The following FN1 variants were observed in gnomAD, a reference collection of about 807,000 sequenced individuals.
FN1 encodes fibronectin 1.
A neutral mutation model predicts 297.3 loss-of-function variants in FN1; 106 were observed. That is an observed-to-expected ratio of 0.36 (90% CI 0.30 to 0.42). The LOEUF (loss-of-function observed/expected upper bound fraction) is 0.42, where lower values mean the gene tolerates loss of function less well. Ranked by LOEUF, FN1 falls within the 10% of genes least tolerant of loss-of-function variation. The pLI is 1.00. For missense variants in FN1, 2,690 were observed against 3,124.9 expected (o/e 0.86, Z 3.32); for synonymous variants, 1,149 against 1,152.6 (o/e 1.00, Z 0.06).
chr2:215,372,601 A>G, intron 39 of FN1: 1 of 580,256 alleles, frequency 1.7e-6, no homozygotes, highest in Non-Finnish European at 3.1e-6. Context: ...GTTAGTATGA[A>G]TTTATCATAC....
In FN1 at chr2:215,397,138, T is replaced by C; in HGVS notation, c.3603A>G (p.Pro1201=). ...CCCTCTGATCCATCCCAAACTTACC[T>C]GGGGTGGTGCTCCTCTCCCAGGAGA... The part of the protein sequence containing the change: ...LTVSWERSTT[P]DITGYRITTT... The change falls in exon 23 of 46, where the codon CCA becomes CCG. Residue 1201 remains proline (P), a splice_region_variant and synonymous_variant. Coordinates refer to ENST00000354785, the MANE Select transcript of FN1 (RefSeq NM_212482.4). 2.5e-6 allele frequency: 4 copies of C among 1,610,470 alleles called. No individual in the cohort carries two copies. In the South Asian group the frequency reaches 3.3e-5, roughly 13 times the overall value.
chr2:215,434,759 T>G lies in FN1; in HGVS notation c.214A>C (p.Asn72His). 6.2e-7 allele frequency: 1 copy of G among 1,614,132 alleles called. No homozygotes were observed. The highest frequency in any genetic ancestry group is 8.5e-7 in the Non-Finnish European group (1 of 1,179,978). ...NQQWERTYLG[N>H]ALVCTCYGGS... ...CCATAACAAGTACAAACCAACGCATTGCCTAGGTAGGTCCGCTCCCACTGT... is the reference window on the plus strand; with the variant it reads ...CCATAACAAGTACAAACCAACGCATGGCCTAGGTAGGTCCGCTCCCACTGT... Residue 72 changes from asparagine to histidine, a missense_variant, in exon 2 of 46, where the codon AAT becomes CAT. This residue lies in a region of FN1 where 876 missense variants were observed against 1,058.1 expected (regional missense o/e 0.83). Transcript: ENST00000354785.
intron 5 of FN1, 126 bp from the exon 6 acceptor site, chr2:215,428,464 TGGTGCTGCAA>T: frequency 1.2e-6 from 1 of 816,954 alleles, no homozygotes. Flanking sequence ...TATTCAGCTC[TGGTGCTGCAA>T]GGTATTACAC....
Position 215,372,139 on chromosome 2 carries a change from G to A in FN1, c.6484C>T (p.His2162Tyr), listed in dbSNP as rs796261540. Residue 2162 changes from histidine (H) to tyrosine (Y), a missense_variant, in exon 40 of 46, where the codon CAT (histidine) becomes TAT (tyrosine). His to Tyr is a moderately conservative substitution (Grantham distance 83). This residue lies in a region of FN1 where 1,743 missense variants were observed against 1,945.2 expected (regional missense o/e 0.90). Transcript: ENST00000354785. ...TTCGGCGGGTATGGTCTTGGCCTAT[G>A]CCTTATGGGGGTGGCCGTTGTGGGC... ...TPPTTATPIRHRPRPYPPNVG... is the reference protein window; with the variant it reads ...TPPTTATPIRYRPRPYPPNVG... The A allele has an allele frequency of 6.2e-7, 1 of 1,614,250 alleles. No homozygotes were observed.
chr2:215,398,779 C>T (rs1037350670), intron 21 of FN1, among the ~76,000 whole-genome samples: 1 of 152,190 alleles, frequency 6.6e-6, no homozygotes, highest in Non-Finnish European at 1.5e-5. Context: ...AAACCTTAAT[C>T]TTAACTTCTA....
At chr2:215,430,093 G>A (rs1241904717) in intron 5 of FN1, among the ~76,000 whole-genome samples, 1 of 152,156 alleles carries the variant, frequency 6.6e-6, no homozygotes, top group African/African-American at 2.4e-5. Context: ...GTAGTTAAAT[G>A]GGTTCAGCTA....
In FN1 at chr2:215,435,806, G is replaced by T. The variant is rs1004628536; in HGVS notation, c.-4C>A. On this transcript the variant is annotated 5_prime_UTR_variant, in exon 1 of 46. Coordinates refer to ENST00000354785, the MANE Select transcript of FN1 (RefSeq NM_212482.4). ...CGGGCCCCGGACCCCTAAGCATGTT[G>T]AGACGGTGGGGGAGAGACGCCCGCA... is the stretch of plus-strand genomic sequence containing the variant. The T allele has an allele frequency of 3.9e-6, 6 of 1,549,230 alleles. No homozygotes were observed. The African/African-American group carries it at 5.4e-5, about 14-fold the overall frequency.
rs553688167 is a variant in FN1, at chr2:215,397,125, T to C, written c.3604+12A>G. On this transcript the variant is annotated intron_variant, in intron 23 of 45. Coordinates refer to ENST00000354785, the MANE Select transcript of FN1 (RefSeq NM_212482.4). The stretch of plus-strand genomic sequence containing the variant: ...TGGTGTATACTTGCCCTCTGATCCA[T>C]CCCAAACTTACCTGGGGTGGTGCTC... 2 of 1,591,570 alleles carry C rather than the reference T, an allele frequency of 1.3e-6. No individual in the cohort carries two copies. Among genetic ancestry groups the C allele is most frequent in the Non-Finnish European group, 1.7e-6 (2 of 1,159,330 alleles).
In FN1 at chr2:215,435,559, C is replaced by T. The variant is rs185215996; in HGVS notation, c.148+96G>A. ...TCTCAGTAAAGCGCGCACACACTCG[C>T]ACACACGCGCGCGCACAAAACTTCA... On this transcript the variant is annotated intron_variant, in intron 1 of 45. Coordinates refer to ENST00000354785, the MANE Select transcript of FN1 (RefSeq NM_212482.4). The T allele has an allele frequency of 1.5e-4, 235 of 1,548,664 alleles. 1 individual carries two copies. In the East Asian group the frequency reaches 5.2e-3, roughly 35 times the overall value.
intron 20 of FN1, among the ~76,000 whole-genome samples, chr2:215,399,581 G>A (rs1406864112): frequency 6.6e-6 from 1 of 151,974 alleles, no homozygotes; most frequent in Non-Finnish European, 1.5e-5. Flanking sequence ...TGTTTCTGGA[G>A]GTCCAACAAA....
chr2:215,376,711 G>C (rs746610742), intron 35 of FN1, 37 bp from the exon 36 acceptor site: 7 of 1,596,656 alleles, frequency 4.4e-6, no homozygotes, highest in Non-Finnish European at 6.0e-6. Context: ...GTGCCTGCTT[G>C]GCTCATCCAT....
chr2:215,401,253 A>AG (rs1158255590), intron 20 of FN1, among the ~76,000 whole-genome samples: 37 of 24,304 alleles, frequency 1.5e-3, no homozygotes, highest in African/African-American at 3.0e-3. Flanking sequence ...AAAGAAAGGA[A>AG]GAAAGAAAGG....
intron 13 of FN1, 37 bp from the exon 14 acceptor site, chr2:215,410,151 ACG>A (rs1491073122): frequency 1.1e-5 from 16 of 1,395,612 alleles, no homozygotes; most frequent in Non-Finnish European, 1.6e-5. Flanking sequence ...ACACACACAC[ACG>A]TGTTTACAAG....
At chr2:215,404,703 A>G (rs758567113) in intron 19 of FN1, 48 bp from the exon 20 acceptor site, 6 of 1,542,678 alleles carry the variant, frequency 3.9e-6, no homozygotes, top group Non-Finnish European at 5.4e-6. Flanking sequence ...ATCAGTAATG[A>G]TCATAACTCA....
chr2:215,427,720 A>G (rs1245442811), intron 6 of FN1, among the ~76,000 whole-genome samples: 1 of 152,250 alleles, frequency 6.6e-6, no homozygotes, highest in Non-Finnish European at 1.5e-5. Context: ...ACAGGGAAGT[A>G]TATTTCATTC....
chr2:215,398,030 G>A (rs1223551344), intron 21 of FN1, among the ~76,000 whole-genome samples, 182 bp from the exon 22 acceptor site: 3 of 152,242 alleles, frequency 2.0e-5, no homozygotes, highest in African/African-American at 7.2e-5. Context: ...CCCAGGTGGG[G>A]GAGGTATCTT....
intron 10 of FN1, among the ~76,000 whole-genome samples, chr2:215,421,779 A>C (rs1289246679): frequency 6.6e-6 from 1 of 152,192 alleles, no homozygotes; most frequent in Admixed American, 6.5e-5. Context: ...TCTAGACATG[A>C]ATCCAGTGGC....
intron 4 of FN1, 67 bp downstream of exon 4, chr2:215,431,766 G>T: frequency 6.5e-7 from 1 of 1,546,660 alleles, no homozygotes; most frequent in Non-Finnish European, 8.9e-7. Flanking sequence ...ATGTAGATGT[G>T]ATTCTGGTCC....
chr2:215,413,173 G>A (rs939823934), intron 13 of FN1, among the ~76,000 whole-genome samples: 6 of 152,168 alleles, frequency 3.9e-5, no homozygotes, highest in Non-Finnish European at 5.9e-5. Context: ...AGGGTGCAAT[G>A]GCGCGATCTT....
Sources: allele counts gnomAD v4.1 joint callset (sites outside exome capture counted in the v4.1 genomes callset), GRCh38; gene constraint gnomAD v4.1.1; regional missense constraint gnomAD v4.1.1; transcripts MANE v1.5; gene names NCBI Gene and HGNC (gene_info 2026-07-23, HGNC 2026-07-21).